Variants in OR4E2 observed in about 807,000 individuals in gnomAD.
OR4E2 encodes olfactory receptor 4E2.
In OR4E2, 9 loss-of-function variants were observed where a neutral mutation model predicts 11.0. That is an observed-to-expected ratio of 0.82 (90% CI 0.49 to 1.43). The LOEUF is 1.43. Among genes scored for constraint, OR4E2 ranks in the 40% most tolerant of loss-of-function variants. OR4E2 has a pLI of 0.00. For synonymous variants in OR4E2, 159 were observed against 147.3 expected, an observed-to-expected ratio of 1.08 and a Z score of -0.57; for missense variants, 441 against 382.0, an observed-to-expected ratio of 1.15 and a Z score of -1.29.
intron 2 of OR4E2, among the ~76,000 whole-genome samples, 186 bp from the exon 3 acceptor site, chr14:21,660,467 C>T (rs540885791): frequency 1.3e-5 from 2 of 152,064 alleles, no homozygotes; most frequent in Admixed American, 1.3e-4. Flanking sequence ...AGGAGGACAA[C>T]GTGATTGGAG....
rs869199677 is a variant in OR4E2, at chr14:21,657,494, TC to T, written c.-103+907del. On this transcript the variant is annotated intron_variant, in intron 2 of 3. Coordinates refer to ENST00000641524, the MANE Select transcript of OR4E2 (RefSeq NM_001001912.3). ...TTCCTTCCTTCCTTCCTTCCTTCCT[TC>T]CTTCCTTCCTTCTTTCTTTGTTTTT... 3.4e-4 allele frequency among the ~76,000 whole-genome samples: 42 copies of T among 124,688 alleles called. 1 individual carries two copies. Among genetic ancestry groups the T allele is most frequent in the East Asian group, 1.8e-3 (7 of 3,990 alleles). 81.8% of individuals were successfully genotyped at this position (124,688 alleles called of 152,430 possible). A position where few individuals can be genotyped will look rare whatever the true frequency, so the allele number is the denominator to read the frequency against.
rs1327149507 is a variant in OR4E2 at position 21,667,102 on chromosome 14, C to T, written c.*1078C>T. On this transcript the variant is annotated 3_prime_UTR_variant, in exon 4 of 4. Coordinates refer to ENST00000641524, the MANE Select transcript of OR4E2 (RefSeq NM_001001912.3). ...GTAGGATTAGCTGTAAATGAAGATC[C>T]TATAGATGGTCAGAGAGCTACCATA... is the stretch of plus-strand genomic sequence containing the variant. 6 of 151,956 alleles carry T rather than the reference C, an allele frequency of 3.9e-5. No individual in the cohort carries two copies. Among genetic ancestry groups the T allele is most frequent in the Non-Finnish European group, 7.4e-5 (5 of 68,000 alleles). The allele number at this position is 151,956 out of a possible 1,614,324, so 9.4% of individuals were successfully genotyped here.
Position 21,665,924 on chromosome 14 carries a change from T to G in OR4E2, c.842T>G (p.Leu281Trp). ...GTCTTCTACACAGTGGTCACCCCTT[T>G]GCTGAATCCCTTCATTTACACCTTG... ...VSVFYTVVTP[L>W]LNPFIYTLRN... Residue 281 changes from leucine (L) to tryptophan (W), a missense_variant, in exon 4 of 4, where the codon TTG becomes TGG. Transcript: ENST00000641524. 1 of 1,613,588 alleles carries G rather than the reference T, an allele frequency of 6.2e-7. No individual in the cohort carries two copies. Among genetic ancestry groups the G allele is most frequent in the Non-Finnish European group, 8.5e-7 (1 of 1,179,820 alleles).
Position 21,666,226 on chromosome 14 carries a change from T to G in OR4E2, c.*202T>G, listed in dbSNP as rs1191686472. On this transcript the variant is annotated 3_prime_UTR_variant, in exon 4 of 4. Transcript: ENST00000641524. ...ACTATTATTTAAATAAAGCAAAAGATCATAGTGGAAGTTATAAGGAAAAAT... is the reference window on the plus strand; with the variant it reads ...ACTATTATTTAAATAAAGCAAAAGAGCATAGTGGAAGTTATAAGGAAAAAT... 2 of 456,498 alleles carry G rather than the reference T, an allele frequency of 4.4e-6. No individual in the cohort carries two copies. Among genetic ancestry groups the G allele is most frequent in the Non-Finnish European group, 7.7e-6 (2 of 260,606 alleles). 28.3% of individuals were successfully genotyped at this position (456,498 alleles called of 1,614,324 possible).
intron 3 of OR4E2, among the ~76,000 whole-genome samples, chr14:21,663,954 T>C (rs1233841396): frequency 1.3e-5 from 2 of 152,232 alleles, no homozygotes. Context: ...TATGGCTGCA[T>C]AATATTTCAT....
At chr14:21,663,494 T>G (rs907230937) in intron 3 of OR4E2, among the ~76,000 whole-genome samples, 14 of 152,068 alleles carry the variant, frequency 9.2e-5, no homozygotes, top group African/African-American at 3.4e-4. Context: ...AAAATTTTTT[T>G]TTTTTGATTT....
intron 2 of OR4E2, among the ~76,000 whole-genome samples, chr14:21,659,820 A>C (rs1015568141): frequency 3.3e-5 from 5 of 152,246 alleles, no homozygotes; most frequent in Admixed American, 6.5e-5. Flanking sequence ...TTTATATTCT[A>C]GCAGCAGGAG....
chr14:21,656,364 T>C (rs1484000025), intron 1 of OR4E2, 138 bp from the exon 2 acceptor site: 3 of 147,924 alleles, frequency 2.0e-5, no homozygotes, highest in Non-Finnish European at 4.6e-5. Context: ...TCTCTCTCTC[T>C]CACTCACACA....
intron 2 of OR4E2, among the ~76,000 whole-genome samples, chr14:21,657,422 C>T (rs1566581878): frequency 1.7e-4 from 20 of 118,446 alleles, no homozygotes; most frequent in African/African-American, 2.2e-4. Flanking sequence ...TTCTTTCTTT[C>T]TCTTTCTTTC....
chr14:21,658,375 A>G (rs995714586), intron 2 of OR4E2, among the ~76,000 whole-genome samples: 6 of 152,330 alleles, frequency 3.9e-5, no homozygotes, highest in South Asian at 2.1e-4. Flanking sequence ...CCATCTAAGC[A>G]AGACCTTGGA....
chr14:21,665,947 T>G lies in OR4E2; in HGVS notation c.865T>G (p.Leu289Val). The change falls in exon 4 of 4, where the codon TTG becomes GTG. Residue 289 changes from leucine (L) to valine (V), a missense_variant. Leu to Val is a conservative substitution (Grantham distance 32, BLOSUM62 1). Coordinates refer to ENST00000641524, the MANE Select transcript of OR4E2 (RefSeq NM_001001912.3). ...TTTGCTGAATCCCTTCATTTACACC[T>G]TGAGGAATGAGGAGGTAAAAAGTGC... is the stretch of plus-strand genomic sequence containing the variant. The part of the protein sequence containing the change: ...TPLLNPFIYT[L>V]RNEEVKSAMK... 1.9e-6 allele frequency: 3 copies of G among 1,613,974 alleles called. No homozygotes were observed. The highest frequency in any genetic ancestry group is 2.5e-6 in the Non-Finnish European group (3 of 1,179,974).
At chr14:21,657,484 CTTCCTTCCTTCCTTCCTTCCTTCT>C (rs1206246660) in intron 2 of OR4E2, among the ~76,000 whole-genome samples, 2 of 103,514 alleles carry the variant, frequency 1.9e-5, no homozygotes, top group African/African-American at 8.3e-5. Flanking sequence ...TCCTTCCTTC[CTTCCTTCCTTCCTTCCTTCCTTCT>C]TTCTTTGTTT....
chr14:21,656,081 C>G (rs1879927442), intron 1 of OR4E2, among the ~76,000 whole-genome samples: 1 of 151,374 alleles, frequency 6.6e-6, no homozygotes, highest in Non-Finnish European at 1.5e-5. Flanking sequence ...AATTTGAGAC[C>G]AACCAGAGCA....
chr14:21,666,111 G>A lies in OR4E2; in HGVS notation c.*87G>A. On this transcript the variant is annotated 3_prime_UTR_variant, in exon 4 of 4. Transcript: ENST00000641524. ...AGTCAAAATCAACTTATATAACTTGGTAAATTAGGTAAAATGGCATAGAGC... is the reference window on the plus strand; with the variant it reads ...AGTCAAAATCAACTTATATAACTTGATAAATTAGGTAAAATGGCATAGAGC... The A allele has an allele frequency of 2.2e-6, 2 of 908,194 alleles. No homozygotes were observed. The highest frequency in any genetic ancestry group is 3.4e-5 in the South Asian group (2 of 59,304). The allele number at this position is 908,194 out of a possible 1,614,324, so 56.3% of individuals were successfully genotyped here.
chr14:21,662,436 G>T (rs1424716001), intron 3 of OR4E2, among the ~76,000 whole-genome samples: 4 of 151,956 alleles, frequency 2.6e-5, no homozygotes, highest in East Asian at 1.9e-4. Flanking sequence ...TGAGTAGCTG[G>T]GATTACAGGC....
chr14:21,654,867 G>A (rs777026729), intron 1 of OR4E2, among the ~76,000 whole-genome samples: 1 of 152,104 alleles, frequency 6.6e-6, no homozygotes, highest in Non-Finnish European at 1.5e-5. Context: ...ATTCCAGCAG[G>A]AGTTACTGTT....
rs1164363244 is a variant in OR4E2, at chr14:21,653,955, A to G, written c.-191+16A>G. On this transcript the variant is annotated intron_variant, in intron 1 of 3. Coordinates refer to ENST00000641524, the MANE Select transcript of OR4E2 (RefSeq NM_001001912.3). ...AGAGTAGATGGTAAGTGTGTGATAT[A>G]TATTGAGAACATTTATTTTAAACAA... The G allele has an allele frequency of 6.6e-6, 1 of 152,230 alleles. No individual in the cohort carries two copies. Among genetic ancestry groups the G allele is most frequent in the African/African-American group, 2.4e-5 (1 of 41,472 alleles). The allele number at this position is 152,230 out of a possible 1,614,324, so 9.4% of individuals were successfully genotyped here.
chr14:21,659,364 A>G (rs2139803387), intron 2 of OR4E2, among the ~76,000 whole-genome samples: 1 of 152,334 alleles, frequency 6.6e-6, no homozygotes, highest in East Asian at 1.9e-4. Flanking sequence ...AATTAATTCA[A>G]TAAGTATTCA....
intron 2 of OR4E2, among the ~76,000 whole-genome samples, chr14:21,659,381 T>C (rs1242532500): frequency 1.3e-5 from 2 of 152,220 alleles, no homozygotes; most frequent in Non-Finnish European, 2.9e-5. Flanking sequence ...TTCAGTGAGT[T>C]CTTCCTTTAT....
Sources: allele counts gnomAD v4.1 joint callset (sites outside exome capture counted in the v4.1 genomes callset), GRCh38; gene constraint gnomAD v4.1.1; transcripts MANE v1.5; gene names NCBI Gene and HGNC (gene_info 2026-07-23, HGNC 2026-07-21).